The following GNA14 variants were observed in gnomAD, a reference collection of about 807,000 sequenced individuals.
GNA14 encodes the protein G protein subunit alpha 14.
Under a neutral mutation model 42.0 loss-of-function variants are expected in GNA14, and 50 were observed. The observed-to-expected ratio is 1.19, with a 90% CI of 0.95 to 1.51. The LOEUF (loss-of-function observed/expected upper bound fraction) is 1.51, where lower values mean the gene tolerates loss of function less well. Ranked by LOEUF, GNA14 falls within the 40% of genes most tolerant of loss-of-function variation. GNA14 has a pLI of 0.00. For missense variants in GNA14, 473 were observed against 446.2 expected (o/e 1.06, Z -0.54); for synonymous variants, 173 against 163.1 (o/e 1.06, Z -0.46).
intron 1 of GNA14, among the ~76,000 whole-genome samples, chr9:77,591,398 CTCTCAT>C (rs1823389647): frequency 6.6e-6 from 1 of 152,110 alleles, no homozygotes; most frequent in Non-Finnish European, 1.5e-5. Flanking sequence ...ATAGATTTTT[CTCTCAT>C]TCTCTCTCCC....
intron 2 of GNA14, among the ~76,000 whole-genome samples, chr9:77,485,166 GCC>G (rs905827347): frequency 5.3e-5 from 8 of 152,104 alleles, no homozygotes; most frequent in African/African-American, 9.7e-5. Context: ...CTCAAATCCT[GCC>G]ACTATTTTAT....
At chr9:77,566,145 CTTTTTT>C (rs956489720) in intron 1 of GNA14, among the ~76,000 whole-genome samples, 1 of 102,496 alleles carries the variant, frequency 9.8e-6, no homozygotes, top group Non-Finnish European at 1.9e-5. Flanking sequence ...GGGAGTGCTT[CTTTTTT>C]TTTTTTTTTT....
At chr9:77,482,460 C>G (rs559182687) in intron 2 of GNA14, among the ~76,000 whole-genome samples, 1 of 152,102 alleles carries the variant, frequency 6.6e-6, no homozygotes, top group African/African-American at 2.4e-5. Flanking sequence ...GTGGGTAACC[C>G]GACCTTTCTC....
intron 1 of GNA14, chr9:77,580,555 C>A: frequency 4.0e-6 from 2 of 501,126 alleles, no homozygotes; most frequent in Non-Finnish European, 3.9e-6. Flanking sequence ...CCAGATGTTC[C>A]TATTAAAGAA....
At chr9:77,599,386 G>A (rs181707656) in intron 1 of GNA14, among the ~76,000 whole-genome samples, 42 of 152,326 alleles carry the variant, frequency 2.8e-4, no homozygotes, top group Non-Finnish European at 4.3e-4. Context: ...AGAATGGCAA[G>A]GCCCCTCTGC....
At chr9:77,444,697 A>G (rs894598864) in intron 2 of GNA14, among the ~76,000 whole-genome samples, 1 of 152,192 alleles carries the variant, frequency 6.6e-6, no homozygotes, top group African/African-American at 2.4e-5. Flanking sequence ...AGTCCCCATC[A>G]TAAGCCCATC....
At chr9:77,480,059 T>C (rs1489196556) in intron 2 of GNA14, among the ~76,000 whole-genome samples, 2 of 152,184 alleles carry the variant, frequency 1.3e-5, no homozygotes, top group East Asian at 3.8e-4. Flanking sequence ...TCCTGCCTGA[T>C]TGCCCTGGCC....
At chr9:77,587,693 G>A (rs1420754248) in intron 1 of GNA14, among the ~76,000 whole-genome samples, 1 of 152,170 alleles carries the variant, frequency 6.6e-6, no homozygotes, top group Non-Finnish European at 1.5e-5. Flanking sequence ...TGATGAAAAT[G>A]TTTTGGTCCT....
chr9:77,604,123 C>T (rs1048038520), intron 1 of GNA14, among the ~76,000 whole-genome samples: 6 of 152,176 alleles, frequency 3.9e-5, no homozygotes, highest in East Asian at 1.9e-4. Context: ...AGAGCTATTT[C>T]GGCTGAGATG....
intron 2 of GNA14, among the ~76,000 whole-genome samples, chr9:77,486,018 C>T (rs1409695691): frequency 6.6e-6 from 1 of 152,190 alleles, no homozygotes; most frequent in Non-Finnish European, 1.5e-5. Context: ...GAGAGTCAGC[C>T]TGTCCTTTGA....
intron 5 of GNA14, among the ~76,000 whole-genome samples, chr9:77,428,361 G>A (rs1360487665): frequency 2.0e-5 from 3 of 151,982 alleles, no homozygotes; most frequent in Non-Finnish European, 2.9e-5. Flanking sequence ...TTACAGGCGT[G>A]AGCCACCGTG....
intron 2 of GNA14, among the ~76,000 whole-genome samples, chr9:77,438,777 T>G (rs1298464941): frequency 6.6e-6 from 1 of 152,204 alleles, no homozygotes; most frequent in Non-Finnish European, 1.5e-5. Context: ...CACACACAGT[T>G]ACATTTTTCT....
intron 2 of GNA14, among the ~76,000 whole-genome samples, chr9:77,497,446 T>C (rs1221107479): frequency 6.6e-6 from 1 of 152,146 alleles, no homozygotes; most frequent in Non-Finnish European, 1.5e-5. Flanking sequence ...ACACCTTTGA[T>C]TTACCTATAA....
chr9:77,424,095 T>C lies in GNA14; in HGVS notation c.952A>G (p.Lys318Glu). The C allele has an allele frequency of 6.2e-7, 1 of 1,612,760 alleles. No homozygotes were observed. The highest frequency in any genetic ancestry group is 8.5e-7 in the Non-Finnish European group (1 of 1,179,016). ...CATGTGAAGTGAGAGTAGATGACTT[T>C]CTCTTTGTCAGGATTCTGATCTTGG... The part of the protein sequence containing the change: ...LYQDQNPDKE[K>E]VIYSHFTCAT... Residue 318 changes from lysine (K) to glutamate (E), a missense_variant, in exon 7 of 7, where the codon AAA (lysine) becomes GAA (glutamate). By Grantham distance (56) the Lys-to-Glu change is moderately conservative (BLOSUM62 1). Coordinates refer to ENST00000341700, the MANE Select transcript of GNA14 (RefSeq NM_004297.4).
In GNA14 at chr9:77,549,109, A is replaced by G. The variant is rs576332745; in HGVS notation, c.125-19856T>C. ...GCCACCACACCCAGCTAATTTTTGG[A>G]TTTTTAGCAGAGACAGGGTTTCACC... On this transcript the variant is annotated intron_variant, in intron 1 of 6. Coordinates refer to ENST00000341700, the MANE Select transcript of GNA14 (RefSeq NM_004297.4). Among the ~76,000 whole-genome samples, 93 of 152,126 alleles carry G rather than the reference A, an allele frequency of 6.1e-4. 1 individual carries two copies. Among genetic ancestry groups the G allele is most frequent in the Admixed American group, 2.9e-3 (44 of 15,280 alleles).
rs1823104845 is a variant in GNA14 at position 77,574,786 on chromosome 9, T to C, written c.125-45533A>G. 2.6e-5 allele frequency among the ~76,000 whole-genome samples: 4 copies of C among 152,330 alleles called. No homozygotes were observed. The South Asian group carries it at 8.3e-4, about 32-fold the overall frequency. ...TCCTCCATGCTGCAGCTATGCTATC[T>C]GTGACATGTGGCCTCCAACATTGCT... On this transcript the variant is annotated intron_variant, in intron 1 of 6. Transcript: ENST00000341700.
At chr9:77,471,203 G>A (rs1250116940) in intron 2 of GNA14, among the ~76,000 whole-genome samples, 1 of 152,136 alleles carries the variant, frequency 6.6e-6, no homozygotes, top group Admixed American at 6.6e-5. Context: ...GAAAAGAAAC[G>A]CTGGGGCCAA....
At chr9:77,473,943 T>C (rs1836374937) in intron 2 of GNA14, among the ~76,000 whole-genome samples, 2 of 152,198 alleles carry the variant, frequency 1.3e-5, no homozygotes, top group Admixed American at 1.3e-4. Flanking sequence ...CTGGGGCAAC[T>C]GGATATTCAC....
chr9:77,446,255 G>C (rs538847427), intron 2 of GNA14, among the ~76,000 whole-genome samples: 4 of 152,254 alleles, frequency 2.6e-5, no homozygotes, highest in Non-Finnish European at 4.4e-5. Context: ...TTATTTTCAC[G>C]GCCCTTCCAG....
Sources: allele counts gnomAD v4.1 joint callset (sites outside exome capture counted in the v4.1 genomes callset), GRCh38; gene constraint gnomAD v4.1.1; transcripts MANE v1.5; gene names NCBI Gene and HGNC (gene_info 2026-07-23, HGNC 2026-07-21).